Variants in SPECC1L observed in about 807,000 individuals in gnomAD.
The protein encoded by SPECC1L is cytospin-A.
Under a neutral mutation model 116.8 loss-of-function variants are expected in SPECC1L, and 40 were observed. The observed-to-expected ratio is 0.34, with a 90% CI of 0.27 to 0.45. The LOEUF (loss-of-function observed/expected upper bound fraction) is 0.45. SPECC1L is among the 20% of genes least tolerant of loss of function. The probability of loss-of-function intolerance (pLI) is 1.00; values close to 1 mark genes in which losing one functional copy is unlikely to be tolerated. For synonymous variants in SPECC1L, 504 were observed against 500.6 expected (o/e 1.01, Z -0.09); for missense variants, 1,110 against 1,373.6 (o/e 0.81, Z 3.03).
At chr22:24,386,440 A>C (rs1450974073) in intron 14 of SPECC1L, among the ~76,000 whole-genome samples, 1 of 152,124 alleles carries the variant, frequency 6.6e-6, no homozygotes, top group Non-Finnish European at 1.5e-5. Context: ...TCAGTGCAGT[A>C]AGGCAGAAAG....
chr22:24,385,300 CAGGAA>C (rs1441830650), intron 14 of SPECC1L, among the ~76,000 whole-genome samples: 2 of 151,622 alleles, frequency 1.3e-5, no homozygotes, highest in East Asian at 1.9e-4. Context: ...CAAAATAAGG[CAGGAA>C]AGGAGAGAAA....
chr22:24,341,497 AC>A (rs2041176713), intron 10 of SPECC1L, among the ~76,000 whole-genome samples: 1 of 152,144 alleles, frequency 6.6e-6, no homozygotes, highest in African/African-American at 2.4e-5. Flanking sequence ...AGAACTAAAT[AC>A]CCTCAGAGTA....
intron 14 of SPECC1L, among the ~76,000 whole-genome samples, chr22:24,379,974 CCTT>C (rs1418917917): frequency 2.6e-5 from 4 of 152,174 alleles, no homozygotes; most frequent in Non-Finnish European, 4.4e-5. Context: ...ATCTCCATCT[CCTT>C]CTCCTGCCTC....
rs1328417552 is a variant in SPECC1L at position 24,302,189 on chromosome 22, C to T, written c.-37-6C>T. The T allele has an allele frequency of 6.2e-7, 1 of 1,610,190 alleles. No homozygotes were observed. Among genetic ancestry groups the T allele is most frequent in the South Asian group, 1.1e-5 (1 of 90,644 alleles). ...TTCTCAGTGTAATGCCATTTTTTTC[C>T]CACAGATTTGCTTGTAAATGCATCA... On this transcript the variant is annotated splice_region_variant and splice_polypyrimidine_tract_variant and intron_variant, in intron 2 of 16. Transcript: ENST00000314328.
chr22:24,395,666 C>A (rs906870970), intron 14 of SPECC1L, among the ~76,000 whole-genome samples: 2 of 152,164 alleles, frequency 1.3e-5, no homozygotes, highest in Non-Finnish European at 2.9e-5. Flanking sequence ...CAGACAGAAT[C>A]TTGCTCTGTC....
chr22:24,342,614 A>AT (rs1291191667), intron 10 of SPECC1L, among the ~76,000 whole-genome samples: 1 of 151,464 alleles, frequency 6.6e-6, no homozygotes, highest in African/African-American at 2.4e-5. Flanking sequence ...GGGAGGTTGC[A>AT]ATGAGCTGAG....
chr22:24,345,123 C>A (rs2041264057), intron 10 of SPECC1L, among the ~76,000 whole-genome samples: 1 of 152,066 alleles, frequency 6.6e-6, no homozygotes, highest in South Asian at 2.1e-4. Flanking sequence ...ACTTGTACTA[C>A]CTGATTTCAA....
intron 1 of SPECC1L, among the ~76,000 whole-genome samples, chr22:24,273,528 AAG>A (rs2048771516): frequency 1.3e-5 from 2 of 152,232 alleles, no homozygotes. Flanking sequence ...TTTAAAAATA[AAG>A]AGAGCCGAGA....
At chr22:24,365,383 T>C (rs535607702) in intron 12 of SPECC1L, 93 bp from the exon 13 acceptor site, 9 of 1,154,968 alleles carry the variant, frequency 7.8e-6, no homozygotes, top group African/African-American at 7.6e-5. Flanking sequence ...TATGGTAATA[T>C]CTGTTGTTTT....
chr22:24,288,529 A>G (rs1019165828), intron 2 of SPECC1L, among the ~76,000 whole-genome samples: 1 of 151,946 alleles, frequency 6.6e-6, no homozygotes. Flanking sequence ...CTTGTTGAAA[A>G]AAAGACTTAG....
At position 24,352,530 on chromosome 22, in the gene SPECC1L, GA is replaced by G. The variant is rs532745643; in HGVS notation, c.2743+5363del. 9.9e-3 allele frequency among the ~76,000 whole-genome samples: 1,477 copies of G among 149,376 alleles called. 25 individuals carry two copies. Among genetic ancestry groups the G allele is most frequent in the African/African-American group, 0.034 (1,388 of 40,824 alleles). ...GAGATTTTTATAAACTGAGTATTTT[GA>G]AAAAAAAATGATTTATGTTAAGGGT... On this transcript the variant is annotated intron_variant, in intron 11 of 16. Transcript: ENST00000314328.
intron 2 of SPECC1L, among the ~76,000 whole-genome samples, chr22:24,290,379 A>G (rs1225640331): frequency 6.6e-6 from 1 of 152,206 alleles, no homozygotes; most frequent in Non-Finnish European, 1.5e-5. Flanking sequence ...CTCATAAGTC[A>G]TAACCGATAT....
chr22:24,316,513 A>C (rs1216699800), intron 4 of SPECC1L, among the ~76,000 whole-genome samples: 1 of 151,080 alleles, frequency 6.6e-6, no homozygotes, highest in Non-Finnish European at 1.5e-5. Context: ...GCGTCTGTTT[A>C]ACAAAGCACA....
intron 10 of SPECC1L, among the ~76,000 whole-genome samples, chr22:24,341,433 T>C (rs933283175): frequency 6.6e-6 from 1 of 152,196 alleles, no homozygotes; most frequent in Non-Finnish European, 1.5e-5. Context: ...GACACCTCTT[T>C]GAATAGATGG....
chr22:24,406,344 G>A (rs772669356), intron 14 of SPECC1L, among the ~76,000 whole-genome samples: 1 of 152,204 alleles, frequency 6.6e-6, no homozygotes, highest in Non-Finnish European at 1.5e-5. Context: ...CAGGGGAGGA[G>A]TGCTCAGCAG....
chr22:24,341,065 G>A (rs1486976487), intron 10 of SPECC1L, among the ~76,000 whole-genome samples: 1 of 152,126 alleles, frequency 6.6e-6, no homozygotes, highest in East Asian at 1.9e-4. Flanking sequence ...TCCAGGTGGT[G>A]GTGCAGGGAA....
chr22:24,340,655 G>GC (rs1556261678), intron 10 of SPECC1L, among the ~76,000 whole-genome samples: 1 of 152,118 alleles, frequency 6.6e-6, no homozygotes, highest in Non-Finnish European at 1.5e-5. Context: ...TCTACAAGTT[G>GC]CAAAAAACTA....
intron 13 of SPECC1L, among the ~76,000 whole-genome samples, chr22:24,367,183 A>T (rs1439354590): frequency 6.6e-6 from 1 of 151,978 alleles, no homozygotes; most frequent in African/African-American, 2.4e-5. Flanking sequence ...TCAGAGTGAG[A>T]CTCTGTCTTT....
At chr22:24,287,050 G>A (rs1036049418) in intron 2 of SPECC1L, among the ~76,000 whole-genome samples, 3 of 152,168 alleles carry the variant, frequency 2.0e-5, no homozygotes, top group Non-Finnish European at 4.4e-5. Context: ...AGGGATGGGG[G>A]GCCAACCAAC....
Sources: gnomAD v4.1 joint callset for allele counts (sites outside exome capture counted in the v4.1 genomes callset) on GRCh38, gnomAD v4.1.1 for gene constraint, MANE v1.5 for transcripts, NCBI Gene and HGNC (gene_info 2026-07-23, HGNC 2026-07-21) for gene names.